CCDC150: variants seen among roughly 807,000 people sequenced by gnomAD.
CCDC150 encodes the protein coiled-coil domain-containing protein 150.
Under a neutral mutation model 156.5 loss-of-function variants are expected in CCDC150, and 151 were observed. That is an observed-to-expected ratio of 0.97 (90% confidence interval 0.85 to 1.10). CCDC150 has a LOEUF of 1.10. Ranked by LOEUF, CCDC150 falls within the 50% of genes least tolerant of loss-of-function variation. CCDC150 has a pLI of 0.00. For synonymous variants in CCDC150, 452 were observed against 429.4 expected (o/e 1.05, Z -0.65); for missense variants, 1,312 against 1,268.1 (o/e 1.03, Z -0.53).
At chr2:196,730,998 C>T in intron 26 of CCDC150, 53 bp downstream of exon 26, 2 of 1,357,716 alleles carry the variant, frequency 1.5e-6, no homozygotes. Context: ...AACACAGCAA[C>T]CCTGAAGCAA....
chr2:196,725,571 C>T (rs1158658117), intron 21 of CCDC150, among the ~76,000 whole-genome samples: 2 of 152,140 alleles, frequency 1.3e-5, no homozygotes, highest in Admixed American at 6.5e-5. Context: ...CTTACTAGAG[C>T]GGAGATTACA....
intron 1 of CCDC150, among the ~76,000 whole-genome samples, chr2:196,644,510 C>G (rs1188873355): frequency 6.6e-6 from 1 of 152,090 alleles, no homozygotes; most frequent in Non-Finnish European, 1.5e-5. Flanking sequence ...TTGAGGAATA[C>G]TATACTGGCT....
chr2:196,677,448 G>A, intron 13 of CCDC150, 87 bp downstream of exon 13: 1 of 860,040 alleles, frequency 1.2e-6, no homozygotes, highest in South Asian at 1.6e-5. Flanking sequence ...TGAGGAGATG[G>A]CTGATGAATA....
chr2:196,674,125 A>G (rs1694359355), intron 9 of CCDC150, 116 bp from the exon 10 acceptor site: 9 of 628,360 alleles, frequency 1.4e-5, no homozygotes, highest in Non-Finnish European at 2.2e-5. Flanking sequence ...GATAGGTTAA[A>G]TAGATTAGTT....
At chr2:196,723,285 G>A (rs1260618312) in intron 21 of CCDC150, among the ~76,000 whole-genome samples, 3 of 152,144 alleles carry the variant, frequency 2.0e-5, no homozygotes, top group Admixed American at 6.5e-5. Flanking sequence ...GGCGGATCAC[G>A]AGGTCAGGAG....
intron 13 of CCDC150, among the ~76,000 whole-genome samples, chr2:196,691,946 C>G (rs1695506074): frequency 6.6e-6 from 1 of 151,678 alleles, no homozygotes; most frequent in African/African-American, 2.4e-5. Context: ...ATCTCAAAAA[C>G]AAAACAAAAA....
At chr2:196,712,015 A>AT (rs200886098) in intron 15 of CCDC150, 130 bp from the exon 16 acceptor site, 9,539 of 268,824 alleles carry the variant, frequency 0.035, 67 homozygotes, top group African/African-American at 0.057. Context: ...ATTCTCTGTA[A>AT]TTTTTTTTTT....
At chr2:196,732,317 C>A in intron 27 of CCDC150, 129 bp from the exon 28 acceptor site, 1 of 1,127,592 alleles carries the variant, frequency 8.9e-7, no homozygotes, top group Non-Finnish European at 1.3e-6. Context: ...AAAGTTCCAC[C>A]TGTCACAAAC....
At chr2:196,675,523 T>C (rs1215885429) in intron 10 of CCDC150, among the ~76,000 whole-genome samples, 2 of 152,174 alleles carry the variant, frequency 1.3e-5, no homozygotes, top group East Asian at 3.8e-4. Flanking sequence ...TGCAAAAACT[T>C]TATGGATTAT....
chr2:196,704,897 C>T (rs1696503368), intron 15 of CCDC150, among the ~76,000 whole-genome samples: 1 of 152,146 alleles, frequency 6.6e-6, no homozygotes, highest in Non-Finnish European at 1.5e-5. Flanking sequence ...TTTTTTATGG[C>T]TGCATAGTAT....
chr2:196,675,610 TAA>T lies in CCDC150; in HGVS notation c.1138-530_1138-529del, dbSNP rs555961941. 3.2e-3 allele frequency among the ~76,000 whole-genome samples: 291 copies of T among 90,096 alleles called. 2 individuals are homozygous for T. Among genetic ancestry groups the T allele is most frequent in the African/African-American group, 8.8e-3 (271 of 30,914 alleles). 59.1% of individuals were successfully genotyped at this position (90,096 alleles called of 152,430 possible). A position where few individuals can be genotyped will look rare whatever the true frequency, so the allele number is the denominator to read the frequency against. On this transcript the variant is annotated intron_variant, in intron 10 of 27. Transcript: ENST00000389175. Reference sequence around the variant, plus strand: ...GGTGAGCCAAAGAAAATAAACTATGTAAAACAGTTATAGTGCTTCTGCTGTAA... The same window carrying T: ...GGTGAGCCAAAGAAAATAAACTATGTAACAGTTATAGTGCTTCTGCTGTAA...
In CCDC150 at chr2:196,676,576, A is replaced by G. The variant is rs1334027908; in HGVS notation, c.1285A>G (p.Asn429Asp). Reference protein sequence around the residue: ...AHLDHLILEHNQCIQKAQDAE... With the variant: ...AHLDHLILEHDQCIQKAQDAE... ...CAGGGATCATTTAATCCTTGAGCAT[A>G]ACCAGTGTATCCAGAAAGCACAGGA... Residue 429 changes from asparagine to aspartate, a missense_variant, in exon 12 of 28, where the codon AAC becomes GAC. Physicochemically the swap from Asn to Asp is conservative, Grantham distance 23 (BLOSUM62 1). Transcript: ENST00000389175. The G allele has an allele frequency of 2.0e-5, 33 of 1,613,450 alleles. No individual in the cohort carries two copies. The highest frequency in any genetic ancestry group is 2.6e-5 in the Non-Finnish European group (31 of 1,179,630).
intron 13 of CCDC150, among the ~76,000 whole-genome samples, chr2:196,694,024 G>A (rs969229299): frequency 9.3e-5 from 14 of 150,724 alleles, no homozygotes; most frequent in African/African-American, 3.2e-4. Context: ...TATATTGCTG[G>A]GTTCATTTTG....
At chr2:196,641,882 G>T (rs945644583) in intron 1 of CCDC150, among the ~76,000 whole-genome samples, 3 of 152,192 alleles carry the variant, frequency 2.0e-5, no homozygotes, top group African/African-American at 4.8e-5. Flanking sequence ...CTATTGCCAG[G>T]TGTAGGAATG....
chr2:196,669,270 C>A (rs1051819720), intron 7 of CCDC150, among the ~76,000 whole-genome samples: 2 of 152,144 alleles, frequency 1.3e-5, no homozygotes, highest in Admixed American at 6.6e-5. Context: ...ATCCCCGAAA[C>A]CTGCTCCATG....
intron 1 of CCDC150, among the ~76,000 whole-genome samples, chr2:196,643,874 A>G (rs1692378612): frequency 6.6e-6 from 1 of 152,202 alleles, no homozygotes; most frequent in South Asian, 2.1e-4. Flanking sequence ...AGTGACTAAA[A>G]CAAACAAAAA....
chr2:196,691,708 C>T (rs1470289556), intron 13 of CCDC150, among the ~76,000 whole-genome samples: 1 of 151,914 alleles, frequency 6.6e-6, no homozygotes, highest in Non-Finnish European at 1.5e-5. Context: ...TTTGGGAGGC[C>T]GAGGCAGGTG....
At chr2:196,652,633 C>G (rs1692955040) in intron 2 of CCDC150, among the ~76,000 whole-genome samples, 1 of 152,230 alleles carries the variant, frequency 6.6e-6, no homozygotes, top group South Asian at 2.1e-4. Context: ...TGGCTGTGTC[C>G]TTCTGGGGTC....
intron 5 of CCDC150, among the ~76,000 whole-genome samples, chr2:196,661,309 G>T (rs1693544885): frequency 1.3e-5 from 2 of 152,144 alleles, no homozygotes; most frequent in Admixed American, 1.3e-4. Context: ...AGTTCTGGAG[G>T]CTTGAAGTCC....
Sources: gnomAD v4.1 joint callset for allele counts (sites outside exome capture counted in the v4.1 genomes callset) on GRCh38, gnomAD v4.1.1 for gene constraint, MANE v1.5 for transcripts, NCBI Gene and HGNC (gene_info 2026-07-23, HGNC 2026-07-21) for gene names.